The following RPP38 variants were observed in gnomAD, a reference collection of about 807,000 sequenced individuals.
RPP38 encodes the protein ribonuclease P protein subunit p38.
RPP38 carries 2 observed loss-of-function variants against 1.7 expected under a neutral mutation model. The observed-to-expected ratio is 1.18, with a 90% CI of 0.48 to 3.70. The LOEUF (loss-of-function observed/expected upper bound fraction) is 3.70. Among genes scored for constraint, RPP38 ranks in the 30% most tolerant of loss-of-function variants. RPP38 has a pLI of 0.07. For synonymous variants in RPP38, 151 were observed against 131.8 expected (o/e 1.15, Z -1.00); for missense variants, 358 against 340.1 (o/e 1.05, Z -0.41).
At position 15,103,407 on chromosome 10, in the gene RPP38, C is replaced by G; in HGVS notation, c.93C>G (p.Ile31Met). Residue 31 changes from isoleucine (I) to methionine (M), a missense_variant, in exon 3 of 3, where the codon ATC becomes ATG. Ile to Met is a conservative substitution (Grantham distance 10). Coordinates refer to ENST00000378197, the MANE Select transcript of RPP38 (RefSeq NM_183005.5). ...CGTCGTTGAACAACCCATACATCATCCGCTGGAGCGCTCTGGAGAGCGAGG... is the reference window on the plus strand; with the variant it reads ...CGTCGTTGAACAACCCATACATCATGCGCTGGAGCGCTCTGGAGAGCGAGG... ...VKTSLNNPYI[I>M]RWSALESEDM... 1 of 1,614,084 alleles carries G rather than the reference C, an allele frequency of 6.2e-7. No individual in the cohort carries two copies.
intron 1 of RPP38, among the ~76,000 whole-genome samples, 178 bp from the exon 2 acceptor site, chr10:15,102,040 C>G (rs997370355): frequency 6.6e-6 from 1 of 152,080 alleles, no homozygotes; most frequent in African/African-American, 2.4e-5. Context: ...GATGACTGTT[C>G]AGTTCTTTAA....
chr10:15,099,264 C>T (rs551780412), intron 1 of RPP38, among the ~76,000 whole-genome samples: 5 of 152,138 alleles, frequency 3.3e-5, no homozygotes, highest in African/African-American at 1.2e-4. Flanking sequence ...AGGACTTGTG[C>T]TTGGTGGGGC....
intron 1 of RPP38, among the ~76,000 whole-genome samples, chr10:15,101,332 C>T (rs1258486199): frequency 6.6e-6 from 1 of 152,196 alleles, no homozygotes; most frequent in African/African-American, 2.4e-5. Context: ...GATATAACTT[C>T]CTTTAGTTTT....
rs764248783 is a variant in RPP38, at chr10:15,104,059, G to A, written c.745G>A (p.Gly249Ser). The A allele has an allele frequency of 3.4e-5, 55 of 1,613,860 alleles. No individual in the cohort carries two copies. Among genetic ancestry groups the A allele is most frequent in the Admixed American group, 5.0e-5 (3 of 59,960 alleles). ...LSKPKRKLADGRQASVTLQPL... is the reference protein window; with the variant it reads ...LSKPKRKLADSRQASVTLQPL... ...AAAACCTAAGAGAAAGCTTGCTGAC[G>A]GTCGGCAGGCTTCTGTAACATTACA... The change falls in exon 3 of 3, where the codon GGT (glycine) becomes AGT (serine). Residue 249 changes from glycine to serine, a missense_variant. Gly to Ser is a moderately conservative substitution (Grantham distance 56, BLOSUM62 0). Coordinates refer to ENST00000378197, the MANE Select transcript of RPP38 (RefSeq NM_183005.5).
chr10:15,100,742 G>A lies in RPP38; in HGVS notation c.-129-1476G>A, dbSNP rs548363328. 9.2e-5 allele frequency among the ~76,000 whole-genome samples: 14 copies of A among 151,484 alleles called. 1 individual carries two copies. In the South Asian group the frequency reaches 1.9e-3, roughly 20 times the overall value. ...GTCGCCCAGGCTAGAATGCAGTGGC[G>A]CGATCTTGACTCACTACAACCTCCG... On this transcript the variant is annotated intron_variant, in intron 1 of 2. Transcript: ENST00000378197.
chr10:15,099,045 G>T (rs1457823793), intron 1 of RPP38, among the ~76,000 whole-genome samples: 1 of 132,780 alleles, frequency 7.5e-6, no homozygotes, highest in Non-Finnish European at 1.5e-5. Flanking sequence ...TTTTTTCCTC[G>T]TGGACTCTAA....
rs941342197 is a variant in RPP38, at chr10:15,103,714, G to T, written c.400G>T (p.Val134Leu). Residue 134 changes from valine (V) to leucine (L), a missense_variant, in exon 3 of 3, where the codon GTG becomes TTG. By Grantham distance (32) the Val-to-Leu change is conservative. Coordinates refer to ENST00000378197, the MANE Select transcript of RPP38 (RefSeq NM_183005.5). ...LERRELLLVL[V>L]CKSVKPAMIT... is the part of the protein sequence containing the mutation. The stretch of plus-strand genomic sequence containing the variant: ...AAGGAGGGAACTGCTGTTAGTTCTG[G>T]TGTGTAAATCAGTCAAGCCTGCCAT... 1 of 1,613,898 alleles carries T rather than the reference G, an allele frequency of 6.2e-7. No individual in the cohort carries two copies.
Position 15,104,098 on chromosome 10 carries a change from A to G in RPP38, c.784A>G (p.Lys262Glu). Residue 262 changes from lysine to glutamate, a missense_variant, in exon 3 of 3, where the codon AAG becomes GAG. Physicochemically the swap from Lys to Glu is moderately conservative, Grantham distance 56. Transcript: ENST00000378197. ...TGTAACATTACAACCCCTTAAAATAAAGAAACTGATTCCAAACCCTAATAA... is the reference window on the plus strand; with the variant it reads ...TGTAACATTACAACCCCTTAAAATAGAGAAACTGATTCCAAACCCTAATAA... ...ASVTLQPLKI[K>E]KLIPNPNKIR... 2 of 1,602,536 alleles carry G rather than the reference A, an allele frequency of 1.2e-6. No individual in the cohort carries two copies. The highest frequency in any genetic ancestry group is 1.7e-6 in the Non-Finnish European group (2 of 1,177,396).
rs545376516 is a variant in RPP38, at chr10:15,098,450, G to A, written c.-130+684G>A. ...TTGGTCAGGCTAGTCTCGATCTACTGACCTCAAGTGATCCGCCCGCCTGGG... is the reference window on the plus strand; with the variant it reads ...TTGGTCAGGCTAGTCTCGATCTACTAACCTCAAGTGATCCGCCCGCCTGGG... On this transcript the variant is annotated intron_variant, in intron 1 of 2. Coordinates refer to ENST00000378197, the MANE Select transcript of RPP38 (RefSeq NM_183005.5). 7.3e-5 allele frequency among the ~76,000 whole-genome samples: 11 copies of A among 151,012 alleles called. No homozygotes were observed. The East Asian group carries it at 2.0e-3, about 27-fold the overall frequency.
In RPP38 at chr10:15,104,097, A is replaced by G; in HGVS notation, c.783A>G (p.Ile261Met). The G allele has an allele frequency of 2.5e-6, 4 of 1,602,438 alleles. No individual in the cohort carries two copies. Among genetic ancestry groups the G allele is most frequent in the Non-Finnish European group, 3.4e-6 (4 of 1,177,326 alleles). Reference sequence around the variant, plus strand: ...CTGTAACATTACAACCCCTTAAAATAAAGAAACTGATTCCAAACCCTAATA... The same window carrying G: ...CTGTAACATTACAACCCCTTAAAATGAAGAAACTGATTCCAAACCCTAATA... ...QASVTLQPLK[I>M]KKLIPNPNKI... The change falls in exon 3 of 3, where the codon ATA (isoleucine) becomes ATG (methionine). Residue 261 changes from isoleucine (I) to methionine (M), a missense_variant. Physicochemically the swap from Ile to Met is conservative, Grantham distance 10 (BLOSUM62 1). Transcript: ENST00000378197.
chr10:15,103,941 A>G lies in RPP38; in HGVS notation c.627A>G (p.Gln209=), dbSNP rs1845211658. ...RVPSLSVPWL[Q]DRIEDSGENL... ...CCAGTTTAAGTGTACCATGGCTTCA[A>G]GACAGAATTGAAGATTCTGGGGAAA... Residue 209 remains glutamine, a synonymous_variant, in exon 3 of 3, where the codon CAA becomes CAG. Coordinates refer to ENST00000378197, the MANE Select transcript of RPP38 (RefSeq NM_183005.5). 1.9e-6 allele frequency: 3 copies of G among 1,614,220 alleles called. No individual in the cohort carries two copies. The highest frequency in any genetic ancestry group is 2.5e-6 in the Non-Finnish European group (3 of 1,180,036).
In RPP38 at chr10:15,103,900, A is replaced by G. The variant is rs565147881; in HGVS notation, c.586A>G (p.Ile196Val). The change falls in exon 3 of 3, where the codon ATC becomes GTC. Residue 196 changes from isoleucine (I) to valine (V), a missense_variant. Coordinates refer to ENST00000378197, the MANE Select transcript of RPP38 (RefSeq NM_183005.5). The stretch of plus-strand genomic sequence containing the variant: ...TGACTTTGTGGACGAAGTAAGAGCC[A>G]TCATCCCCAGAGTCCCCAGTTTAAG... ...TTDFVDEVRA[I>V]IPRVPSLSVP... 718 of 1,614,222 alleles carry G rather than the reference A, an allele frequency of 4.4e-4. 7 individuals are homozygous for G. In the South Asian group the frequency reaches 7.4e-3, roughly 17 times the overall value.
chr10:15,103,602 T>C lies in RPP38; in HGVS notation c.288T>C (p.Asp96=). Reference sequence around the variant, plus strand: ...AGAATCTGAAGGAGAAGAAAACAGATGCTAAGCAGCAAGTGTCAGGGTGGA... The same window carrying C: ...AGAATCTGAAGGAGAAGAAAACAGACGCTAAGCAGCAAGTGTCAGGGTGGA... ...ISENLKEKKT[D]AKQQVSGWTP... The change falls in exon 3 of 3, where the codon GAT becomes GAC. Residue 96 remains aspartate (D), a synonymous_variant. Coordinates refer to ENST00000378197, the MANE Select transcript of RPP38 (RefSeq NM_183005.5). 3.7e-6 allele frequency: 6 copies of C among 1,614,088 alleles called. No individual in the cohort carries two copies. Among genetic ancestry groups the C allele is most frequent in the African/African-American group, 1.3e-5 (1 of 75,028 alleles).
In RPP38 at chr10:15,097,729, GAAC is replaced by G. The variant is rs1404975547; in HGVS notation, c.-162_-160del. Reference sequence around the variant, plus strand: ...GGTCTCCAAGGAGACACGGACAACAGAACAACACTTCCGTGTGCTAAATAGTAA... The same window carrying G: ...GGTCTCCAAGGAGACACGGACAACAGAACACTTCCGTGTGCTAAATAGTAA... On this transcript the variant is annotated 5_prime_UTR_variant, in exon 1 of 3. Coordinates refer to ENST00000378197, the MANE Select transcript of RPP38 (RefSeq NM_183005.5). 1.3e-5 allele frequency: 2 copies of G among 152,288 alleles called. No individual in the cohort carries two copies. The highest frequency in any genetic ancestry group is 3.9e-4 in the East Asian group (2 of 5,194). The allele number at this position is 152,288 out of a possible 1,614,324, so 9.4% of individuals were successfully genotyped here. A position where few individuals can be genotyped will look rare whatever the true frequency, so the allele number is the denominator to read the frequency against.
At chr10:15,099,826 T>C (rs758735095) in intron 1 of RPP38, among the ~76,000 whole-genome samples, 72 of 152,172 alleles carry the variant, frequency 4.7e-4, no homozygotes, top group Non-Finnish European at 9.0e-4. Flanking sequence ...CTTGGTGGTA[T>C]GCGCCTATAA....
chr10:15,099,151 G>A (rs1845043293), intron 1 of RPP38, among the ~76,000 whole-genome samples: 1 of 152,206 alleles, frequency 6.6e-6, no homozygotes, highest in African/African-American at 2.4e-5. Flanking sequence ...AGGGGCCTGC[G>A]GCTGAGGGTG....
chr10:15,098,884 CAAA>C (rs781428605), intron 1 of RPP38, among the ~76,000 whole-genome samples: 5 of 39,684 alleles, frequency 1.3e-4, no homozygotes, highest in Non-Finnish European at 1.3e-4. Flanking sequence ...GACTCCGTCT[CAAA>C]AAAAAAAAAA....
chr10:15,102,807 A>G (rs1456493166), intron 2 of RPP38: 1 of 152,360 alleles, frequency 6.6e-6, no homozygotes. Flanking sequence ...AATGGGGAAA[A>G]ATAAAATTAC....
chr10:15,100,253 G>A (rs1845073027), intron 1 of RPP38, among the ~76,000 whole-genome samples: 1 of 151,880 alleles, frequency 6.6e-6, no homozygotes, highest in Non-Finnish European at 1.5e-5. Flanking sequence ...CATCTGACTT[G>A]CAGTTGGCAA....
Sources: allele counts gnomAD v4.1 joint callset (sites outside exome capture counted in the v4.1 genomes callset), GRCh38; gene constraint gnomAD v4.1.1; transcripts MANE v1.5; gene names NCBI Gene and HGNC (gene_info 2026-07-23, HGNC 2026-07-21).